The following FPR3 variants were observed in gnomAD, a reference collection of about 807,000 sequenced individuals.
FPR3 encodes the protein N-formyl peptide receptor 3.
For missense variants in FPR3, 346 were observed against 443.2 expected, an observed-to-expected ratio of 0.78 and a Z score of 1.97; for synonymous variants, 135 against 163.6, an observed-to-expected ratio of 0.83 and a Z score of 1.34.
At position 51,826,138 on chromosome 19, in the gene FPR3, T is replaced by C. The variant is rs1295191290; in HGVS notation, c.*1328T>C. ...TACATAATTATAAATTAGATTAAGT[T>C]TTCAATGTTAAGCTACCCTTGCATT... On this transcript the variant is annotated 3_prime_UTR_variant, in exon 2 of 2. Transcript: ENST00000339223. 6.5e-6 allele frequency: 1 copy of C among 152,896 alleles called. No homozygotes were observed. The highest frequency in any genetic ancestry group is 2.4e-5 in the African/African-American group (1 of 41,460). 9.5% of individuals were successfully genotyped at this position (152,896 alleles called of 1,614,324 possible).
At chr19:51,802,254 C>CGGGCTGTTGA (rs1314217629) in intron 1 of FPR3, among the ~76,000 whole-genome samples, 1 of 152,008 alleles carries the variant, frequency 6.6e-6, no homozygotes, top group Non-Finnish European at 1.5e-5. Context: ...CTACAGCAGA[C>CGGGCTGTTGA]GGGCTGTTGA....
At chr19:51,823,005 G>A (rs2084201914) in intron 1 of FPR3, among the ~76,000 whole-genome samples, 1 of 152,056 alleles carries the variant, frequency 6.6e-6, no homozygotes, top group Non-Finnish European at 1.5e-5. Flanking sequence ...TGGAGTTACA[G>A]GCTCTTGCCA....
At chr19:51,805,679 T>C (rs2084053905) in intron 1 of FPR3, among the ~76,000 whole-genome samples, 1 of 152,216 alleles carries the variant, frequency 6.6e-6, no homozygotes, top group Non-Finnish European at 1.5e-5. Context: ...TATTCTGAAG[T>C]AGCCTCGCTT....
Position 51,824,933 on chromosome 19 carries a change from T to C in FPR3, c.*123T>C. 1 of 787,650 alleles carries C rather than the reference T, an allele frequency of 1.3e-6. No individual in the cohort carries two copies. The highest frequency in any genetic ancestry group is 1.9e-5 in the South Asian group (1 of 53,134). The allele number at this position is 787,650 out of a possible 1,614,324, so 48.8% of individuals were successfully genotyped here. A position where few individuals can be genotyped will look rare whatever the true frequency, so the allele number is the denominator to read the frequency against. Reference sequence around the variant, plus strand: ...ACCACAATCATCAACATAAAGGAAGTCTGTACCAAATCTGTAGGGGGTTTT... The same window carrying C: ...ACCACAATCATCAACATAAAGGAAGCCTGTACCAAATCTGTAGGGGGTTTT... On this transcript the variant is annotated 3_prime_UTR_variant, in exon 2 of 2. Coordinates refer to ENST00000339223, the MANE Select transcript of FPR3 (RefSeq NM_002030.5). This position sits in a 1 kb window ranked among gnomAD's most constrained non-coding sequence, Gnocchi z 4.7.
intron 1 of FPR3, among the ~76,000 whole-genome samples, chr19:51,801,809 C>T (rs968345894): frequency 1.3e-5 from 2 of 152,146 alleles, no homozygotes; most frequent in Admixed American, 6.5e-5. Context: ...TATAGTTATA[C>T]ATAGGGATCT....
intron 1 of FPR3, among the ~76,000 whole-genome samples, chr19:51,808,956 T>C (rs983301568): frequency 2.0e-5 from 3 of 152,210 alleles, no homozygotes; most frequent in Non-Finnish European, 4.4e-5. Context: ...ATTCTAATAG[T>C]GAGGCAGTGG....
chr19:51,797,685 C>T (rs1297682679), intron 1 of FPR3, among the ~76,000 whole-genome samples: 1 of 152,032 alleles, frequency 6.6e-6, no homozygotes, highest in Non-Finnish European at 1.5e-5. Context: ...AAGGGAGAAG[C>T]TCTTGGTGTG....
intron 1 of FPR3, among the ~76,000 whole-genome samples, chr19:51,819,714 G>A (rs1174841392): frequency 6.6e-6 from 1 of 152,156 alleles, no homozygotes; most frequent in Non-Finnish European, 1.5e-5. Flanking sequence ...AGCAATTAGA[G>A]ACAACCATTT....
rs144954774 is a variant in FPR3, at chr19:51,806,742, G to A, written c.-11+11411G>A. ...TGAGCAAATGATGACAGACAATGTC[G>A]CTGTACATGACCAGCTGTCTCACCT... On this transcript the variant is annotated intron_variant, in intron 1 of 1. Transcript: ENST00000339223. 3.7e-4 allele frequency among the ~76,000 whole-genome samples: 56 copies of A among 152,272 alleles called. No homozygotes were observed. The East Asian group carries it at 9.3e-3, about 25-fold the overall frequency.
chr19:51,802,732 A>G (rs1475544406), intron 1 of FPR3, among the ~76,000 whole-genome samples: 1 of 152,090 alleles, frequency 6.6e-6, no homozygotes, highest in Non-Finnish European at 1.5e-5. Context: ...TTTTAATCAG[A>G]CTGTTGAAGG....
At chr19:51,822,830 A>G (rs1350712382) in intron 1 of FPR3, among the ~76,000 whole-genome samples, 3 of 152,156 alleles carry the variant, frequency 2.0e-5, no homozygotes, top group African/African-American at 7.2e-5. Flanking sequence ...GACTTCATCT[A>G]GCACAGAATC....
Position 51,802,826 on chromosome 19 carries a change from T to A in FPR3, c.-11+7495T>A, listed in dbSNP as rs144891949. On this transcript the variant is annotated intron_variant, in intron 1 of 1. Transcript: ENST00000339223. ...ATGTTAAATGTTTTCAAATGTAATA[T>A]CTGCCAATATTAACATGATTATTTT... Among the ~76,000 whole-genome samples, 97 of 152,372 alleles carry A rather than the reference T, an allele frequency of 6.4e-4. 1 individual carries two copies. In the East Asian group the frequency reaches 0.017, roughly 27 times the overall value.
intron 1 of FPR3, among the ~76,000 whole-genome samples, chr19:51,816,664 T>C (rs1471498775): frequency 1.3e-5 from 2 of 152,238 alleles, no homozygotes; most frequent in African/African-American, 4.8e-5. Flanking sequence ...CCCTGATTTA[T>C]AGCCCATCAG....
At position 51,795,504 on chromosome 19, in the gene FPR3, C is replaced by CTTTT. The variant is rs58620565; in HGVS notation, c.-11+199_-11+202dup. On this transcript the variant is annotated intron_variant, in intron 1 of 1. Coordinates refer to ENST00000339223, the MANE Select transcript of FPR3 (RefSeq NM_002030.5). ...TTTGGTTACATGTTCCAGTAACATT[C>CTTTT]TTTTTTTTTTTTTTTTTTTTTTTTT... Among the ~76,000 whole-genome samples the CTTTT allele has an allele frequency of 1.4e-3, 101 of 74,724 alleles. 13 individuals are homozygous for CTTTT. The highest frequency in any genetic ancestry group is 3.6e-3 in the African/African-American group (58 of 16,074). 49.0% of individuals were successfully genotyped at this position (74,724 alleles called of 152,430 possible). A position where few individuals can be genotyped will look rare whatever the true frequency, so the allele number is the denominator to read the frequency against.
intron 1 of FPR3, among the ~76,000 whole-genome samples, chr19:51,821,690 T>A (rs1179785235): frequency 6.6e-6 from 1 of 152,104 alleles, no homozygotes; most frequent in Non-Finnish European, 1.5e-5. Flanking sequence ...AAATGCAGCA[T>A]TTTAGAGTTG....
intron 1 of FPR3, among the ~76,000 whole-genome samples, chr19:51,813,983 A>G (rs950355196): frequency 6.6e-6 from 1 of 152,210 alleles, no homozygotes; most frequent in African/African-American, 2.4e-5. Context: ...AGCCCCTGGA[A>G]GAAAGCCAAT....
At chr19:51,816,502 A>C (rs1443224520) in intron 1 of FPR3, among the ~76,000 whole-genome samples, 1 of 152,096 alleles carries the variant, frequency 6.6e-6, no homozygotes, top group Non-Finnish European at 1.5e-5. Context: ...CCAGCCTCAG[A>C]CTCTCAAAGT....
intron 1 of FPR3, among the ~76,000 whole-genome samples, chr19:51,812,562 C>T (rs540894499): frequency 1.3e-5 from 2 of 152,338 alleles, no homozygotes; most frequent in Non-Finnish European, 2.9e-5. Context: ...AGACCCTCAG[C>T]TACAGTTGCC....
intron 1 of FPR3, among the ~76,000 whole-genome samples, chr19:51,814,370 G>A (rs1260621550): frequency 6.6e-6 from 1 of 152,232 alleles, no homozygotes; most frequent in Non-Finnish European, 1.5e-5. Flanking sequence ...GAGCTGCGTT[G>A]CAGGTCCCAC....
Sources: allele counts gnomAD v4.1 joint callset (sites outside exome capture counted in the v4.1 genomes callset), GRCh38; gene constraint gnomAD v4.1.1; non-coding constraint Gnocchi (gnomAD v3.1); transcripts MANE v1.5; gene names NCBI Gene and HGNC (gene_info 2026-07-23, HGNC 2026-07-21).